Variants in ARHGEF9 observed in about 807,000 individuals in gnomAD.
ARHGEF9 encodes rho guanine nucleotide exchange factor 9.
A neutral mutation model predicts 41.3 loss-of-function variants in ARHGEF9; 2 were observed. The ratio of observed to expected loss-of-function variants is 0.05; its 90% confidence interval spans 0.02 to 0.15. The LOEUF (loss-of-function observed/expected upper bound fraction) is 0.15. Ranked by LOEUF, ARHGEF9 falls within the 10% of genes least tolerant of loss-of-function variation. The pLI is 1.00. For synonymous variants in ARHGEF9, 160 were observed against 154.4 expected (o/e 1.04, Z -0.27); for missense variants, 225 against 424.7 (o/e 0.53, Z 4.13).
intron 4 of ARHGEF9, among the ~76,000 whole-genome samples, chrX:63,694,891 A>G (rs2051632508): frequency 8.9e-6 from 1 of 112,429 alleles, no homozygotes; most frequent in African/African-American, 3.2e-5. Flanking sequence ...GATAAAAATG[A>G]AATTCTAGAA....
intron 9 of ARHGEF9, 107 bp from the exon 10 acceptor site, chrX:63,638,316 TAG>T: frequency 2.7e-6 from 2 of 728,886 alleles, no homozygotes; most frequent in Non-Finnish European, 4.2e-6. Context: ...CAGACTGGTT[TAG>T]AGAGTGTGAA....
chrX:63,638,847 G>T (rs1224760815), intron 9 of ARHGEF9, among the ~76,000 whole-genome samples: 1 of 112,139 alleles, frequency 8.9e-6, no homozygotes, highest in Non-Finnish European at 1.9e-5. Flanking sequence ...CTACCAGAAG[G>T]TATAATTCAT....
intron 7 of ARHGEF9, among the ~76,000 whole-genome samples, chrX:63,660,713 T>C (rs2049161949): frequency 8.9e-6 from 1 of 112,120 alleles, no homozygotes; most frequent in Non-Finnish European, 1.9e-5. Context: ...ACACTGCATA[T>C]ATAGTAATAG....
rs1204886352 is a variant in ARHGEF9 at position 63,698,098 on chromosome X, CATTTATAAATTTATATAT to C, written c.403-812_403-795del. Among the ~76,000 whole-genome samples the C allele has an allele frequency of 3.8e-5, 4 of 105,316 alleles. No individual in the cohort carries two copies. The Admixed American group carries it at 4.1e-4, about 11-fold the overall frequency. The allele number at this position is 105,316 out of a possible 115,157, so 91.5% of individuals were successfully genotyped here. Reference sequence around the variant, plus strand: ...TTTAACAGAACAGGTGTTTAGGACACATTTATAAATTTATATATATATATATAAATTTATAAATATATC... The same window carrying C: ...TTTAACAGAACAGGTGTTTAGGACACATATATATAAATTTATAAATATATC... On this transcript the variant is annotated intron_variant, in intron 3 of 9. Transcript: ENST00000671741.
chrX:63,705,357 ATGTGTGTGTGTGTG>A (rs58549005), intron 3 of ARHGEF9, among the ~76,000 whole-genome samples: 18 of 82,093 alleles, frequency 2.2e-4, no homozygotes, highest in African/African-American at 4.2e-4. Flanking sequence ...ATAAGAGAGA[ATGTGTGTGTGTGTG>A]TGTGTGTGTG....
At position 63,733,216 on chromosome X, in the gene ARHGEF9, G is replaced by A. The variant is rs3788827; in HGVS notation, c.31-8505C>T. On this transcript the variant is annotated intron_variant, in intron 1 of 9. Transcript: ENST00000671741. Reference sequence around the variant, plus strand: ...GAGGCAGAACACAGCAATAGAGTAAGCATCTCTGTCAGGTGGCAGAACAAT... The same window carrying A: ...GAGGCAGAACACAGCAATAGAGTAAACATCTCTGTCAGGTGGCAGAACAAT... 2.8e-4 allele frequency among the ~76,000 whole-genome samples: 31 copies of A among 112,339 alleles called. 1 individual carries two copies. In the East Asian group the frequency reaches 8.4e-3, roughly 31 times the overall value.
intron 7 of ARHGEF9, among the ~76,000 whole-genome samples, chrX:63,663,903 G>C (rs181034288): frequency 3.3e-4 from 37 of 112,212 alleles, no homozygotes; most frequent in Non-Finnish European, 1.3e-4. Context: ...ATAACTGCTC[G>C]TGTTCTGGGA....
chrX:63,650,627 A>G (rs2048481556), intron 8 of ARHGEF9, among the ~76,000 whole-genome samples: 2 of 110,981 alleles, frequency 1.8e-5, no homozygotes, highest in Admixed American at 1.9e-4. Flanking sequence ...TGTATATCTC[A>G]AAATAGCTAA....
At chrX:63,729,082 C>T (rs782747406) in intron 1 of ARHGEF9, among the ~76,000 whole-genome samples, 5 of 111,599 alleles carry the variant, frequency 4.5e-5, no homozygotes, top group East Asian at 2.8e-4. Flanking sequence ...TGGGTGCAAA[C>T]GTCAATTAAA....
rs1399592345 is a variant in ARHGEF9 at position 63,785,187 on chromosome X, C to A, written c.-42G>T. The stretch of plus-strand genomic sequence containing the variant: ...GGCTTCTCTGAGGCCCCGTAGCTGG[C>A]GCGAGTTGTCGCGGGCTGACTAGAA... On this transcript the variant is annotated 5_prime_UTR_variant, in exon 1 of 10. Coordinates refer to ENST00000671741, the MANE Select transcript of ARHGEF9 (RefSeq NM_001353921.2). The A allele has an allele frequency of 3.8e-5, 44 of 1,152,226 alleles. No individual in the cohort carries two copies. The highest frequency in any genetic ancestry group is 5.0e-5 in the Non-Finnish European group (43 of 863,371). 95.0% of individuals were successfully genotyped at this position (1,152,226 alleles called of 1,213,427 possible). A position where few individuals can be genotyped will look rare whatever the true frequency, so the allele number is the denominator to read the frequency against.
intron 1 of ARHGEF9, among the ~76,000 whole-genome samples, chrX:63,764,058 CAATGA>C (rs2056076854): frequency 8.9e-6 from 1 of 111,740 alleles, no homozygotes; most frequent in Admixed American, 9.5e-5. Flanking sequence ...AACATTGTTG[CAATGA>C]ATCCATCTGA....
chrX:63,670,220 A>G (rs2049860789), intron 6 of ARHGEF9: 1 of 111,826 alleles, frequency 8.9e-6, no homozygotes, highest in Admixed American at 9.5e-5. Context: ...TTTATTTTCA[A>G]TGCTGCCTAC....
intron 1 of ARHGEF9, among the ~76,000 whole-genome samples, chrX:63,728,414 A>G (rs1388410780): frequency 1.8e-5 from 2 of 111,944 alleles, no homozygotes; most frequent in Non-Finnish European, 3.8e-5. Context: ...AACAATGCAT[A>G]TCTTTCCAGC....
chrX:63,719,105 T>C (rs1556411999), intron 2 of ARHGEF9, among the ~76,000 whole-genome samples: 2 of 112,073 alleles, frequency 1.8e-5, no homozygotes, highest in Non-Finnish European at 3.8e-5. Context: ...ATAATGTCAT[T>C]TGAAATTCTA....
intron 6 of ARHGEF9, among the ~76,000 whole-genome samples, chrX:63,668,236 C>T (rs782248051): frequency 2.7e-5 from 3 of 110,375 alleles, no homozygotes; most frequent in Non-Finnish European, 5.7e-5. Flanking sequence ...TGGCCTCAAG[C>T]GATACTTGTG....
chrX:63,669,214 C>A (rs1374201624), intron 6 of ARHGEF9, among the ~76,000 whole-genome samples: 1 of 111,566 alleles, frequency 9.0e-6, no homozygotes, highest in Non-Finnish European at 1.9e-5. Flanking sequence ...TATAACACAT[C>A]TCTTTGTCTT....
intron 4 of ARHGEF9, among the ~76,000 whole-genome samples, chrX:63,691,985 G>A (rs1556381948): frequency 9.0e-6 from 1 of 111,323 alleles, no homozygotes; most frequent in Non-Finnish European, 1.9e-5. Context: ...TATGTTCTTG[G>A]ACAAACTGGA....
Position 63,635,647 on chromosome X carries a change from G to C in ARHGEF9, c.*2381C>G, listed in dbSNP as rs2047282602. On this transcript the variant is annotated 3_prime_UTR_variant, in exon 10 of 10. Transcript: ENST00000671741. Reference sequence around the variant, plus strand: ...TGCCAGTGGGTTCAGTAGAGGAGAAGTGCGGGTTGAGAAGTAATATCCCTG... The same window carrying C: ...TGCCAGTGGGTTCAGTAGAGGAGAACTGCGGGTTGAGAAGTAATATCCCTG... The C allele has an allele frequency of 3.0e-6, 1 of 334,439 alleles. No homozygotes were observed. The highest frequency in any genetic ancestry group is 5.1e-6 in the Non-Finnish European group (1 of 196,139). The allele number at this position is 334,439 out of a possible 1,213,427, so 27.6% of individuals were successfully genotyped here. A position where few individuals can be genotyped will look rare whatever the true frequency, so the allele number is the denominator to read the frequency against.
chrX:63,693,371 G>A (rs782750375), intron 4 of ARHGEF9, among the ~76,000 whole-genome samples: 12 of 110,815 alleles, frequency 1.1e-4, no homozygotes, highest in African/African-American at 3.6e-4. Flanking sequence ...CAGCAATTTG[G>A]GAGGCCAAGG....
Sources: gnomAD v4.1 joint callset for allele counts (sites outside exome capture counted in the v4.1 genomes callset) on GRCh38, gnomAD v4.1.1 for gene constraint, MANE v1.5 for transcripts, NCBI Gene and HGNC (gene_info 2026-07-23, HGNC 2026-07-21) for gene names.